The following VPS8 variants were observed in gnomAD, a reference collection of about 807,000 sequenced individuals.
The protein encoded by VPS8 is vacuolar protein sorting-associated protein 8 homolog.
VPS8 carries 129 observed loss-of-function variants against 216.4 expected under a neutral mutation model. The ratio of observed to expected loss-of-function variants is 0.60; its 90% CI spans 0.52 to 0.69. The LOEUF is 0.69. Among genes scored for constraint, VPS8 ranks in the 30% least tolerant of loss-of-function variants. The pLI is 0.00. For missense variants in VPS8, 1,531 were observed against 1,683.5 expected, an observed-to-expected ratio of 0.91 and a Z score of 1.59; for synonymous variants, 571 against 565.4, an observed-to-expected ratio of 1.01 and a Z score of -0.14.
chr3:184,819,695 A>G (rs1373301768), intron 1 of VPS8, among the ~76,000 whole-genome samples: 1 of 152,218 alleles, frequency 6.6e-6, no homozygotes, highest in Non-Finnish European at 1.5e-5. Flanking sequence ...ATTTATTAGT[A>G]CAGTTGACCC....
At chr3:185,028,120 G>A (rs914161138) in intron 46 of VPS8, among the ~76,000 whole-genome samples, 17 of 152,206 alleles carry the variant, frequency 1.1e-4, no homozygotes, top group African/African-American at 2.6e-4. Context: ...TGCGGAGTTC[G>A]TGTTAGCTGG....
intron 16 of VPS8, among the ~76,000 whole-genome samples, chr3:184,865,881 G>T (rs949764799): frequency 2.6e-5 from 4 of 151,932 alleles, no homozygotes; most frequent in African/African-American, 9.7e-5. Flanking sequence ...CCAGCTACTC[G>T]GGAGGTGGAG....
At chr3:185,015,015 T>C (rs1755590694) in intron 45 of VPS8, among the ~76,000 whole-genome samples, 1 of 152,220 alleles carries the variant, frequency 6.6e-6, no homozygotes, top group African/African-American at 2.4e-5. Flanking sequence ...CGAGGGAACA[T>C]GTATGACATC....
intron 29 of VPS8, among the ~76,000 whole-genome samples, chr3:184,923,315 C>T (rs1030939871): frequency 6.6e-6 from 1 of 152,140 alleles, no homozygotes; most frequent in African/African-American, 2.4e-5. Context: ...ATCCCACCTG[C>T]CAATCAGGCT....
chr3:184,848,288 C>T (rs944667132), intron 8 of VPS8, among the ~76,000 whole-genome samples: 4 of 151,980 alleles, frequency 2.6e-5, no homozygotes, highest in Admixed American at 6.6e-5. Flanking sequence ...TAATTTGCAC[C>T]GTTAATTAGC....
intron 42 of VPS8, among the ~76,000 whole-genome samples, chr3:184,987,934 G>A (rs1751362396): frequency 6.6e-6 from 1 of 152,232 alleles, no homozygotes; most frequent in African/African-American, 2.4e-5. Flanking sequence ...TAGTAGACGT[G>A]TAGTAGTCTC....
chr3:184,973,592 T>C (rs188104709), intron 40 of VPS8, among the ~76,000 whole-genome samples: 6 of 152,312 alleles, frequency 3.9e-5, no homozygotes, highest in Admixed American at 1.3e-4. Context: ...AAATATGCAA[T>C]AAATTATTGT....
At chr3:184,862,239 A>C (rs927769099) in intron 15 of VPS8, among the ~76,000 whole-genome samples, 6 of 151,632 alleles carry the variant, frequency 4.0e-5, no homozygotes, top group Non-Finnish European at 8.8e-5. Context: ...TGGGATTGCC[A>C]AAAAAAAATT....
chr3:184,821,736 A>T (rs749193093), intron 1 of VPS8, among the ~76,000 whole-genome samples: 3 of 152,152 alleles, frequency 2.0e-5, no homozygotes, highest in Non-Finnish European at 4.4e-5. Context: ...GTTCATCTCC[A>T]GTGACAGATG....
intron 40 of VPS8, among the ~76,000 whole-genome samples, chr3:184,980,909 C>G (rs1750092293): frequency 6.6e-6 from 1 of 152,132 alleles, no homozygotes; most frequent in African/African-American, 2.4e-5. Context: ...TTTTGAGTTT[C>G]CAGAGTTCTT....
chr3:185,012,602 A>T (rs62289499), intron 45 of VPS8, among the ~76,000 whole-genome samples: 6,396 of 152,040 alleles, frequency 0.042, 178 homozygotes, highest in Non-Finnish European at 0.062. Context: ...GAAACCAAAG[A>T]TGATGAAGAA....
intron 7 of VPS8, among the ~76,000 whole-genome samples, chr3:184,842,720 C>T (rs2108609538): frequency 6.6e-6 from 1 of 152,224 alleles, no homozygotes; most frequent in African/African-American, 2.4e-5. Context: ...TGTTTAAGTA[C>T]TGAATGTTTC....
At chr3:184,934,838 G>A (rs1741314384) in intron 34 of VPS8, among the ~76,000 whole-genome samples, 1 of 152,132 alleles carries the variant, frequency 6.6e-6, no homozygotes, top group Admixed American at 6.5e-5. Context: ...GGTTTAAGGT[G>A]TCAAAATGTT....
intron 34 of VPS8, 68 bp downstream of exon 34, chr3:184,930,636 A>ATTGCT: frequency 8.4e-7 from 1 of 1,186,956 alleles, no homozygotes; most frequent in Non-Finnish European, 1.3e-6. Context: ...ACTTTATGCC[A>ATTGCT]ACGAAGCAAT....
intron 25 of VPS8, among the ~76,000 whole-genome samples, chr3:184,912,860 C>G (rs1332624076): frequency 6.6e-6 from 1 of 152,200 alleles, no homozygotes; most frequent in African/African-American, 2.4e-5. Flanking sequence ...ACCACAGATT[C>G]CCATCATCTG....
At chr3:184,975,191 G>A (rs903802211) in intron 40 of VPS8, among the ~76,000 whole-genome samples, 1 of 152,026 alleles carries the variant, frequency 6.6e-6, no homozygotes, top group Non-Finnish European at 1.5e-5. Flanking sequence ...AGCATGGGAT[G>A]TCTTTTTATT....
chr3:184,835,163 A>G (rs1213561757), intron 5 of VPS8, among the ~76,000 whole-genome samples: 1 of 152,076 alleles, frequency 6.6e-6, no homozygotes, highest in Non-Finnish European at 1.5e-5. Flanking sequence ...TAATTCACAA[A>G]AGTATTTTCA....
chr3:184,944,514 G>T, intron 36 of VPS8: 1 of 985,362 alleles, frequency 1.0e-6, no homozygotes. Context: ...TATGCAGTGG[G>T]GATGCTTAAA....
chr3:184,893,287 T>G, intron 22 of VPS8: 1 of 1,286,604 alleles, frequency 7.8e-7, no homozygotes, highest in South Asian at 1.2e-5. Flanking sequence ...TTCCTTGATG[T>G]TTTTGTGGAA....
Sources: allele counts gnomAD v4.1 joint callset (sites outside exome capture counted in the v4.1 genomes callset), GRCh38; gene constraint gnomAD v4.1.1; transcripts MANE v1.5; gene names NCBI Gene and HGNC (gene_info 2026-07-23, HGNC 2026-07-21).